The following ABL1 variants were observed in gnomAD, a reference collection of about 807,000 sequenced individuals.
The protein encoded by ABL1 is ABL proto-oncogene 1, non-receptor tyrosine kinase.
Under a neutral mutation model 94.7 loss-of-function variants are expected in ABL1, and 11 were observed. The ratio of observed to expected loss-of-function variants is 0.12; its 90% CI spans 0.07 to 0.19. The LOEUF is 0.19. Among genes scored for constraint, ABL1 ranks in the 10% least tolerant of loss-of-function variants. The probability of loss-of-function intolerance (pLI) is 1.00; values close to 1 mark genes in which losing one functional copy is unlikely to be tolerated. For missense variants in ABL1, 1,082 were observed against 1,489.4 expected (o/e 0.73, Z 4.50); for synonymous variants, 656 against 622.4 (o/e 1.05, Z -0.80).
intron 1 of ABL1, among the ~76,000 whole-genome samples, chr9:130,730,195 A>T (rs985973478): frequency 6.6e-6 from 1 of 151,750 alleles, no homozygotes; most frequent in Non-Finnish European, 1.5e-5. Context: ...GACATGTGCC[A>T]CCAAACCCAG....
rs1374759612 is a variant in ABL1, at chr9:130,880,229, T to G, written c.1513+72T>G. Reference sequence around the variant, plus strand: ...CATGTGGGACTGCAGCCTGGGTCATTCGGTTCACTTCCTGGTGAAAGTTCA... The same window carrying G: ...CATGTGGGACTGCAGCCTGGGTCATGCGGTTCACTTCCTGGTGAAAGTTCA... On this transcript the variant is annotated intron_variant, in intron 9 of 10. Transcript: ENST00000318560. This position sits in a 1 kb window ranked among gnomAD's most constrained non-coding sequence, Gnocchi z 4.4. 2.7e-5 allele frequency: 40 copies of G among 1,475,380 alleles called. No individual in the cohort carries two copies. Among genetic ancestry groups the G allele is most frequent in the Non-Finnish European group, 3.6e-5 (38 of 1,054,790 alleles). 91.4% of individuals were successfully genotyped at this position (1,475,380 alleles called of 1,614,324 possible).
upstream of ABL1, among the ~76,000 whole-genome samples, chr9:130,833,580 C>T (rs1374418552): frequency 6.6e-6 from 1 of 152,206 alleles, no homozygotes; most frequent in Non-Finnish European, 1.5e-5. Context: ...GCAAACTTCC[C>T]TGATGGTGCC....
At chr9:130,793,065 A>G (rs1829929691) in intron 1 of ABL1, among the ~76,000 whole-genome samples, 1 of 152,118 alleles carries the variant, frequency 6.6e-6, no homozygotes, top group Non-Finnish European at 1.5e-5. Context: ...AGCTGGGATT[A>G]CAGGTGCCCG....
intron 1 of ABL1, among the ~76,000 whole-genome samples, chr9:130,768,082 C>T (rs1251210966): frequency 6.6e-6 from 1 of 152,154 alleles, no homozygotes. Flanking sequence ...TCTGCTGGAG[C>T]TGAGTAGCCG....
rs770770651 is a variant in ABL1 at position 130,880,743 on chromosome 9, G to A, written c.1678+79G>A. The A allele has an allele frequency of 2.6e-5, 40 of 1,522,492 alleles. No individual in the cohort carries two copies. In the African/African-American group the frequency reaches 4.3e-4, roughly 16 times the overall value. 94.3% of individuals were successfully genotyped at this position (1,522,492 alleles called of 1,614,324 possible). ...TACATTCAGGCCATCATAGGCCAAC[G>A]GGAAGCTGTGAATGGAGCCCGCACA... is the stretch of plus-strand genomic sequence containing the variant. On this transcript the variant is annotated intron_variant, in intron 10 of 10. Coordinates refer to ENST00000318560, the MANE Select transcript of ABL1 (RefSeq NM_005157.6). The surrounding 1 kb of genome is among the most constrained non-coding windows in gnomAD (Gnocchi z 4.4).
At chr9:130,766,443 G>A (rs528109102) in intron 1 of ABL1, among the ~76,000 whole-genome samples, 5 of 152,344 alleles carry the variant, frequency 3.3e-5, no homozygotes, top group African/African-American at 1.2e-4. Flanking sequence ...GGAGGGTGCA[G>A]GTACTGGATG....
At chr9:130,828,026 G>A (rs1830447686) in intron 1 of ABL1, among the ~76,000 whole-genome samples, 1 of 150,428 alleles carries the variant, frequency 6.6e-6, no homozygotes, top group Non-Finnish European at 1.5e-5. Context: ...TCAGAAAACA[G>A]GATGCTTTTA....
At chr9:130,798,970 A>T in intron 1 of ABL1, among the ~76,000 whole-genome samples, 1 of 150,044 alleles carries the variant, frequency 6.7e-6, no homozygotes. Context: ...CCGTCTCAAA[A>T]AAAAAAAAAA....
rs1830555617 is a variant in ABL1, at chr9:130,835,445, A to G, written c.-2A>G. ...CGGCCCCCGACGTGCTGGCGCGGGA[A>G]AATGTTGGAGATCTGCCTGAAGCTG... On this transcript the variant is annotated 5_prime_UTR_variant, in exon 1 of 11. Transcript: ENST00000318560. The surrounding 1 kb of genome is among the most constrained non-coding windows in gnomAD (Gnocchi z 4.6). 3.2e-6 allele frequency: 5 copies of G among 1,547,030 alleles called. No individual in the cohort carries two copies. The African/African-American group carries it at 4.1e-5, about 13-fold the overall frequency.
chr9:130,761,784 T>C (rs947589686), intron 1 of ABL1, among the ~76,000 whole-genome samples: 7 of 152,322 alleles, frequency 4.6e-5, no homozygotes, highest in African/African-American at 1.7e-4. Context: ...TTCTCTTTTA[T>C]TTGACAAATG....
At chr9:130,855,515 G>A (rs931801619) in intron 3 of ABL1, among the ~76,000 whole-genome samples, 2 of 152,084 alleles carry the variant, frequency 1.3e-5, no homozygotes, top group Non-Finnish European at 2.9e-5. Flanking sequence ...CCCCACAGAC[G>A]CCTGGCACGT....
At chr9:130,718,905 C>A (rs187313389) in intron 1 of ABL1, among the ~76,000 whole-genome samples, 1 of 152,076 alleles carries the variant, frequency 6.6e-6, no homozygotes, top group African/African-American at 2.4e-5. Context: ...AGAACTGTTG[C>A]TATGGAAAGT....
chr9:130,812,375 C>G (rs1458075693), intron 1 of ABL1, among the ~76,000 whole-genome samples: 1 of 151,160 alleles, frequency 6.6e-6, no homozygotes, highest in African/African-American at 2.4e-5. Context: ...AAAAAAAAAT[C>G]CTCATTAAAA....
At chr9:130,799,365 G>A (rs1011925988) in intron 1 of ABL1, among the ~76,000 whole-genome samples, 32 of 152,288 alleles carry the variant, frequency 2.1e-4, no homozygotes, top group African/African-American at 7.2e-4. Flanking sequence ...ATTGACACTA[G>A]GAAAGAGCAA....
Position 130,884,708 on chromosome 9 carries a change from G to C in ABL1, c.2418G>C (p.Pro806=). ...EVFKDIMESS[P]GSSPPNLTPK... ...TCAAAGACATCATGGAGTCCAGCCC[G>C]GGCTCCAGCCCGCCCAACCTGACTC... is the stretch of plus-strand genomic sequence containing the variant. Residue 806 remains proline (P), a synonymous_variant, in exon 11 of 11, where the codon CCG becomes CCC. Transcript: ENST00000318560. The surrounding 1 kb of genome is among the most constrained non-coding windows in gnomAD (Gnocchi z 5.6). The C allele has an allele frequency of 1.2e-6, 2 of 1,612,638 alleles. No individual in the cohort carries two copies. Among genetic ancestry groups the C allele is most frequent in the Non-Finnish European group, 1.7e-6 (2 of 1,179,920 alleles).
chr9:130,714,620 T>C lies in ABL1; in HGVS notation c.136+165T>C. 4.2e-6 allele frequency: 4 copies of C among 941,586 alleles called. No individual in the cohort carries two copies. In the East Asian group the frequency reaches 9.6e-5, roughly 23 times the overall value. 58.3% of individuals were successfully genotyped at this position (941,586 alleles called of 1,614,324 possible). A position where few individuals can be genotyped will look rare whatever the true frequency, so the allele number is the denominator to read the frequency against. On this transcript the variant is annotated intron_variant, in intron 1 of 10. Coordinates refer to the ABL1 transcript ENST00000372348. ...GGAACTTTCTTTGTATAAGAAAAAG[T>C]TACTTCGTGACTTCGGCTTTATTCA...
intron 1 of ABL1, among the ~76,000 whole-genome samples, chr9:130,800,014 A>G (rs1170881402): frequency 6.6e-6 from 1 of 152,016 alleles, no homozygotes; most frequent in East Asian, 1.9e-4. Context: ...CTAGGACTAC[A>G]GGCACCTGTC....
chr9:130,792,525 A>G (rs1329022853), intron 1 of ABL1, among the ~76,000 whole-genome samples: 2 of 152,026 alleles, frequency 1.3e-5, no homozygotes, highest in East Asian at 3.9e-4. Flanking sequence ...ACCAGGAGCC[A>G]TGTCAGATGT....
At chr9:130,758,349 G>C (rs916994275) in intron 1 of ABL1, among the ~76,000 whole-genome samples, 1 of 151,710 alleles carries the variant, frequency 6.6e-6, no homozygotes, top group African/African-American at 2.4e-5. Flanking sequence ...CAGTAGAGAT[G>C]GGGTTTCACC....
Sources: allele counts gnomAD v4.1 joint callset (sites outside exome capture counted in the v4.1 genomes callset), GRCh38; gene constraint gnomAD v4.1.1; non-coding constraint Gnocchi (gnomAD v3.1); transcripts MANE v1.5; gene names NCBI Gene and HGNC (gene_info 2026-07-23, HGNC 2026-07-21).